Variants in HPSE2 observed in about 807,000 individuals in gnomAD.
HPSE2 encodes heparanase 2 (inactive).
HPSE2 carries 38 observed loss-of-function variants against 60.5 expected under a neutral mutation model. That is an observed-to-expected ratio of 0.63 (90% CI 0.48 to 0.82). HPSE2 has a LOEUF of 0.82. Ranked by LOEUF, HPSE2 falls within the 40% of genes least tolerant of loss-of-function variation. The pLI is 0.00. For synonymous variants in HPSE2, 295 were observed against 293.2 expected, an observed-to-expected ratio of 1.01 and a Z score of -0.06; for missense variants, 713 against 740.4, an observed-to-expected ratio of 0.96 and a Z score of 0.43.
chr10:99,080,905 T>C (rs1843111696), intron 3 of HPSE2, among the ~76,000 whole-genome samples: 1 of 152,218 alleles, frequency 6.6e-6, no homozygotes, highest in Non-Finnish European at 1.5e-5. Flanking sequence ...ACCTATCTCT[T>C]ATATAATGCT....
chr10:98,830,222 T>A (rs781400780), intron 3 of HPSE2, among the ~76,000 whole-genome samples: 2 of 152,178 alleles, frequency 1.3e-5, no homozygotes, highest in Non-Finnish European at 2.9e-5. Context: ...AGTCCCTGTG[T>A]TAATAGAGAT....
chr10:98,872,157 G>T (rs998811851), intron 3 of HPSE2, among the ~76,000 whole-genome samples: 2 of 152,008 alleles, frequency 1.3e-5, no homozygotes, highest in Non-Finnish European at 2.9e-5. Context: ...GTGCAGCCTG[G>T]ATGAAAAGGA....
chr10:99,212,951 A>T (rs958336571), intron 2 of HPSE2, among the ~76,000 whole-genome samples: 1 of 152,180 alleles, frequency 6.6e-6, no homozygotes, highest in South Asian at 2.1e-4. Context: ...TGCTCAAGAA[A>T]TGTTTATTCC....
chr10:98,965,922 C>T (rs909208491), intron 3 of HPSE2, among the ~76,000 whole-genome samples: 14 of 151,836 alleles, frequency 9.2e-5, no homozygotes, highest in Non-Finnish European at 1.9e-4. Context: ...TGGAGCCTCA[C>T]TCTATCACCC....
the HPSE2 span, among the ~76,000 whole-genome samples, chr10:99,293,216 C>T: frequency 6.6e-6 from 1 of 151,134 alleles, no homozygotes; most frequent in East Asian, 1.9e-4. Flanking sequence ...GGGAAGTAAA[C>T]AGCAAAAAGG....
At chr10:99,169,500 G>A (rs1476345124) in intron 2 of HPSE2, among the ~76,000 whole-genome samples, 4 of 79,802 alleles carry the variant, frequency 5.0e-5, no homozygotes, top group Non-Finnish European at 6.7e-5. Context: ...GCAAGACTCC[G>A]TCTCAAAAAA....
At chr10:99,295,481 A>G in the HPSE2 span, among the ~76,000 whole-genome samples, 2 of 152,248 alleles carry the variant, frequency 1.3e-5, no homozygotes, top group African/African-American at 2.4e-5. Context: ...AAAATCATAC[A>G]TAAACACACT....
At chr10:99,050,494 C>CA (rs1325222652) in intron 3 of HPSE2, among the ~76,000 whole-genome samples, 1 of 151,968 alleles carries the variant, frequency 6.6e-6, no homozygotes, top group Non-Finnish European at 1.5e-5. Context: ...GGTATATATA[C>CA]AAAGGATATG....
chr10:99,251,416 C>T, the HPSE2 span, among the ~76,000 whole-genome samples: 1 of 152,136 alleles, frequency 6.6e-6, no homozygotes, highest in Non-Finnish European at 1.5e-5. Flanking sequence ...ACCAGACATA[C>T]AAAGAACAGC....
chr10:98,886,037 T>A (rs934113411), intron 3 of HPSE2, among the ~76,000 whole-genome samples: 3 of 152,108 alleles, frequency 2.0e-5, no homozygotes, highest in African/African-American at 7.2e-5. Flanking sequence ...TTTATGAGCA[T>A]CTTTTTAAAA....
At chr10:98,534,919 T>C (rs1446654282) in intron 9 of HPSE2, among the ~76,000 whole-genome samples, 1 of 152,148 alleles carries the variant, frequency 6.6e-6, no homozygotes, top group Non-Finnish European at 1.5e-5. Context: ...GAAAGCTTCC[T>C]TCATTTGGGT....
At chr10:98,959,222 A>C (rs1190076812) in intron 3 of HPSE2, among the ~76,000 whole-genome samples, 1 of 152,090 alleles carries the variant, frequency 6.6e-6, no homozygotes, top group East Asian at 1.9e-4. Flanking sequence ...GCATTCTGCT[A>C]CAAATTACAA....
intron 3 of HPSE2, among the ~76,000 whole-genome samples, chr10:99,044,106 GAA>G (rs1488335265): frequency 6.6e-6 from 1 of 152,156 alleles, no homozygotes; most frequent in African/African-American, 2.4e-5. Context: ...CAGCTAGAGA[GAA>G]GAGTCAAGTC....
chr10:99,218,958 A>G (rs1849224238), intron 2 of HPSE2, among the ~76,000 whole-genome samples: 1 of 152,218 alleles, frequency 6.6e-6, no homozygotes, highest in Non-Finnish European at 1.5e-5. Context: ...AGAATAACAT[A>G]CCTATCAGGC....
intron 3 of HPSE2, among the ~76,000 whole-genome samples, chr10:98,989,735 C>T (rs1239856645): frequency 6.6e-6 from 1 of 152,086 alleles, no homozygotes; most frequent in Admixed American, 6.5e-5. Context: ...TTGAATATTT[C>T]ATGGCCTTTT....
At chr10:98,669,095 AAAAG>A (rs1947442909) in intron 6 of HPSE2, among the ~76,000 whole-genome samples, 1 of 151,910 alleles carries the variant, frequency 6.6e-6, no homozygotes, top group Non-Finnish European at 1.5e-5. Flanking sequence ...GATGCTTATC[AAAAG>A]AAGATGTACA....
At chr10:99,216,289 A>C (rs1249101039) in intron 2 of HPSE2, among the ~76,000 whole-genome samples, 3 of 141,166 alleles carry the variant, frequency 2.1e-5, no homozygotes, top group African/African-American at 8.1e-5. Flanking sequence ...CTACCTCTGG[A>C]GTTCAAGCGA....
chr10:98,506,994 C>A (rs1159653397), intron 9 of HPSE2, among the ~76,000 whole-genome samples: 2 of 152,166 alleles, frequency 1.3e-5, no homozygotes, highest in Non-Finnish European at 2.9e-5. Flanking sequence ...TTCTCGTATA[C>A]TGTAGGCAAA....
At chr10:98,699,822 A>G (rs867520209) in intron 5 of HPSE2, among the ~76,000 whole-genome samples, 2,080 of 119,456 alleles carry the variant, frequency 0.017, 76 homozygotes, top group African/African-American at 0.053. Flanking sequence ...ATGTACAAAA[A>G]TCACAAGCAT....
Sources: gnomAD v4.1 joint callset for allele counts (sites outside exome capture counted in the v4.1 genomes callset) on GRCh38, gnomAD v4.1.1 for gene constraint, MANE v1.5 for transcripts, NCBI Gene and HGNC (gene_info 2026-07-23, HGNC 2026-07-21) for gene names.